CSTPP1: variants seen among roughly 807,000 people sequenced by gnomAD.
The protein encoded by CSTPP1 is UPF0705 protein C11orf49.
chr11:47,108,601 A>T, the CSTPP1 span, among the ~76,000 whole-genome samples: 1 of 151,792 alleles, frequency 6.6e-6, no homozygotes, highest in African/African-American at 2.4e-5. Flanking sequence ...GTGTGAGAAG[A>T]GCTTGGAGGA....
At chr11:47,142,069 C>T in the CSTPP1 span, among the ~76,000 whole-genome samples, 51 of 151,466 alleles carry the variant, frequency 3.4e-4, 1 homozygote, top group Admixed American at 2.8e-3. Context: ...ATGGTGAAAC[C>T]CCATCTCTAC....
the CSTPP1 span, among the ~76,000 whole-genome samples, chr11:47,133,593 C>T: frequency 6.6e-6 from 1 of 152,246 alleles, no homozygotes; most frequent in Non-Finnish European, 1.5e-5. Flanking sequence ...TCCCTGTTGA[C>T]AGTAATTAGA....
chr11:47,052,803 A>C, the CSTPP1 span: 1 of 230,130 alleles, frequency 4.3e-6, no homozygotes. Context: ...GTAGTAACTC[A>C]TTTATCTTTA....
chr11:46,985,529 G>A, the CSTPP1 span, among the ~76,000 whole-genome samples: 2 of 152,028 alleles, frequency 1.3e-5, no homozygotes, highest in Non-Finnish European at 2.9e-5. Flanking sequence ...AATTTTTTAT[G>A]GTAAATGTGG....
chr11:46,980,542 A>T, the CSTPP1 span, among the ~76,000 whole-genome samples: 124 of 152,336 alleles, frequency 8.1e-4, no homozygotes, highest in Middle Eastern at 6.8e-3. Flanking sequence ...CATGCAGTAC[A>T]GACTGGAATA....
chr11:47,159,364 G>T, the CSTPP1 span, among the ~76,000 whole-genome samples: 2 of 152,034 alleles, frequency 1.3e-5, no homozygotes, highest in Non-Finnish European at 1.5e-5. Context: ...ACAAAAATTA[G>T]CTGGGTATAG....
At chr11:47,006,808 T>G in the CSTPP1 span, among the ~76,000 whole-genome samples, 2 of 149,768 alleles carry the variant, frequency 1.3e-5, no homozygotes, top group Non-Finnish European at 3.0e-5. Flanking sequence ...CCCAGACTGG[T>G]CTCAAACTCC....
At chr11:47,108,765 G>C in the CSTPP1 span, among the ~76,000 whole-genome samples, 2 of 142,028 alleles carry the variant, frequency 1.4e-5, no homozygotes, top group Non-Finnish European at 3.0e-5. Context: ...GGAGTACAGT[G>C]GCACAATCTC....
chr11:47,153,470 G>A, the CSTPP1 span, among the ~76,000 whole-genome samples: 1 of 152,186 alleles, frequency 6.6e-6, no homozygotes, highest in Non-Finnish European at 1.5e-5. Context: ...TTTTTGCTCT[G>A]CAGCTTTATT....
chr11:46,955,606 G>A, the CSTPP1 span, among the ~76,000 whole-genome samples: 4 of 151,468 alleles, frequency 2.6e-5, no homozygotes, highest in Admixed American at 6.6e-5. Context: ...CTTGTGATTC[G>A]CCCGCCTCAG....
At chr11:47,136,570 G>T in the CSTPP1 span, among the ~76,000 whole-genome samples, 1 of 152,116 alleles carries the variant, frequency 6.6e-6, no homozygotes, top group African/African-American at 2.4e-5. Flanking sequence ...TTTTTGTCTT[G>T]GAAAAGCATC....
the CSTPP1 span, among the ~76,000 whole-genome samples, chr11:47,143,718 A>G: frequency 6.6e-6 from 1 of 152,204 alleles, no homozygotes; most frequent in Non-Finnish European, 1.5e-5. Flanking sequence ...CATGGACTGG[A>G]AGCTTTCTGG....
chr11:47,147,486 C>G, the CSTPP1 span, among the ~76,000 whole-genome samples: 2 of 152,134 alleles, frequency 1.3e-5, no homozygotes, highest in Non-Finnish European at 2.9e-5. Flanking sequence ...CCCTAGCTCT[C>G]AGGCTTCTTG....
chr11:47,132,553 C>A, the CSTPP1 span, among the ~76,000 whole-genome samples: 31 of 152,206 alleles, frequency 2.0e-4, no homozygotes, highest in Admixed American at 4.6e-4. Context: ...ACAAGGAAAC[C>A]AAGGTTCAGG....
chr11:47,112,970 CCTAATA>C, the CSTPP1 span, among the ~76,000 whole-genome samples: 1 of 152,148 alleles, frequency 6.6e-6, no homozygotes, highest in Non-Finnish European at 1.5e-5. Flanking sequence ...AGGCAAATCT[CCTAATA>C]CTATCTCTCC....
chr11:47,108,220 A>C, the CSTPP1 span, among the ~76,000 whole-genome samples: 1 of 152,266 alleles, frequency 6.6e-6, no homozygotes, highest in Non-Finnish European at 1.5e-5. Flanking sequence ...ATCTGAGGTT[A>C]GAACTCTAGA....
At chr11:47,071,250 A>G in the CSTPP1 span, among the ~76,000 whole-genome samples, 1 of 152,172 alleles carries the variant, frequency 6.6e-6, no homozygotes, top group Admixed American at 6.5e-5. Flanking sequence ...TGTAATATCA[A>G]CTATCTGTTT....
chr11:46,979,589 T>C, the CSTPP1 span, among the ~76,000 whole-genome samples: 1 of 152,096 alleles, frequency 6.6e-6, no homozygotes, highest in African/African-American at 2.4e-5. Context: ...GTCAGCTAGC[T>C]GAGTGCTTTA....
At chr11:47,062,942 G>C in the CSTPP1 span, among the ~76,000 whole-genome samples, 2 of 152,122 alleles carry the variant, frequency 1.3e-5, no homozygotes, top group Admixed American at 1.3e-4. Flanking sequence ...CTTTAGACAG[G>C]GCATGTGGTC....
Sources: gnomAD v4.1 joint callset for allele counts (sites outside exome capture counted in the v4.1 genomes callset) on GRCh38, gnomAD v4.1.1 for gene constraint, MANE v1.5 for transcripts, NCBI Gene and HGNC (gene_info 2026-07-23, HGNC 2026-07-21) for gene names.